The following OVCH2 variants were observed in gnomAD, a reference collection of about 807,000 sequenced individuals.
The protein encoded by OVCH2 is ovochymase 2.
A neutral mutation model predicts 73.7 loss-of-function variants in OVCH2; 88 were observed. The observed-to-expected ratio is 1.19, with a 90% confidence interval of 1.01 to 1.43. OVCH2 has a LOEUF of 1.43. OVCH2 is among the 40% of genes most tolerant of loss of function. The pLI is 0.00. For missense variants in OVCH2, 706 were observed against 674.5 expected, an observed-to-expected ratio of 1.05 and a Z score of -0.52; for synonymous variants, 265 against 234.5, an observed-to-expected ratio of 1.13 and a Z score of -1.19.
downstream of OVCH2, chr11:7,689,298 A>T (rs1456158823): frequency 5.2e-6 from 1 of 194,024 alleles, no homozygotes; most frequent in Non-Finnish European, 1.1e-5. Context: ...CATGCTGTGG[A>T]TTCCGGTGTT....
At chr11:7,703,664 T>C (rs773919728) in intron 3 of OVCH2, 34 bp downstream of exon 3, 6 of 1,493,506 alleles carry the variant, frequency 4.0e-6, no homozygotes, top group Non-Finnish European at 5.4e-6. Context: ...GAAATGGTGG[T>C]GTGGTCTTCA....
At chr11:7,700,129 C>T in intron 7 of OVCH2, 167 bp downstream of exon 7, 2 of 647,682 alleles carry the variant, frequency 3.1e-6, no homozygotes, top group South Asian at 2.3e-5. Flanking sequence ...CCATATTTTA[C>T]TCTTGTTTTA....
intron 3 of OVCH2, among the ~76,000 whole-genome samples, chr11:7,702,856 C>A (rs1203398037): frequency 6.6e-6 from 1 of 152,194 alleles, no homozygotes; most frequent in Admixed American, 6.5e-5. Flanking sequence ...GCTTGCCATC[C>A]TTTGAGACGC....
At chr11:7,682,716 G>A in the OVCH2 span, among the ~76,000 whole-genome samples, 1 of 152,116 alleles carries the variant, frequency 6.6e-6, no homozygotes, top group Non-Finnish European at 1.5e-5. Context: ...CTCTCCATTT[G>A]ATAATTCCTA....
At chr11:7,702,066 A>G (rs1856451281) in intron 4 of OVCH2, 91 bp downstream of exon 4, 1 of 1,206,434 alleles carries the variant, frequency 8.3e-7, no homozygotes, top group Non-Finnish European at 1.2e-6. Flanking sequence ...AAAGTGCATG[A>G]CCCAGAACGT....
the OVCH2 span, among the ~76,000 whole-genome samples, chr11:7,679,253 A>C: frequency 6.6e-6 from 1 of 152,186 alleles, no homozygotes; most frequent in Admixed American, 6.5e-5. Flanking sequence ...AAATCCTTGG[A>C]ATCTCCCAAG....
At chr11:7,693,663 T>C (rs1213495407) in intron 12 of OVCH2, among the ~76,000 whole-genome samples, 1 of 152,206 alleles carries the variant, frequency 6.6e-6, no homozygotes, top group Non-Finnish European at 1.5e-5. Flanking sequence ...TCTGCTGAAA[T>C]TTTTGCCCCA....
At chr11:7,694,567 T>C (rs1159960685) in intron 12 of OVCH2, among the ~76,000 whole-genome samples, 2 of 152,072 alleles carry the variant, frequency 1.3e-5, no homozygotes, top group African/African-American at 4.8e-5. Context: ...AAGGAAGACA[T>C]GCTTGTTTCT....
chr11:7,693,403 G>T (rs971756022), intron 12 of OVCH2, among the ~76,000 whole-genome samples: 1 of 152,164 alleles, frequency 6.6e-6, no homozygotes, highest in Non-Finnish European at 1.5e-5. Context: ...ATATTCCTAT[G>T]ACTTTTAACA....
At position 7,704,621 on chromosome 11, in the gene OVCH2, T is replaced by C; in HGVS notation, c.142A>G (p.Ile48Val). ...VKVQPWNYFNIFSRILGGSQV... is the reference protein window; with the variant it reads ...VKVQPWNYFNVFSRILGGSQV... Reference sequence around the variant, plus strand: ...CTTCCTCCAAGAATGCGACTGAAAATGTTAAAATAATTCCAAGGCTGTACC... The same window carrying C: ...CTTCCTCCAAGAATGCGACTGAAAACGTTAAAATAATTCCAAGGCTGTACC... The change falls in exon 2 of 16, where the codon ATT becomes GTT. Residue 48 changes from isoleucine to valine, a missense_variant. By Grantham distance (29) the Ile-to-Val change is conservative. Transcript: ENST00000533663. 1.2e-6 allele frequency: 2 copies of C among 1,612,784 alleles called. No individual in the cohort carries two copies. Among genetic ancestry groups the C allele is most frequent in the Non-Finnish European group, 1.7e-6 (2 of 1,179,444 alleles).
At chr11:7,690,678 A>T (rs1856203485) in intron 14 of OVCH2, among the ~76,000 whole-genome samples, 1 of 152,124 alleles carries the variant, frequency 6.6e-6, no homozygotes, top group Non-Finnish European at 1.5e-5. Flanking sequence ...TGTTAGACAC[A>T]CGTTTCCACA....
downstream of OVCH2, among the ~76,000 whole-genome samples, chr11:7,686,960 C>T (rs78649608): frequency 5.8e-4 from 88 of 152,112 alleles, 2 homozygotes; most frequent in East Asian, 0.011. Flanking sequence ...AATCGTTGCC[C>T]GCATCTGCTG....
chr11:7,700,622 G>A (rs1328672255), intron 6 of OVCH2, 137 bp from the exon 7 acceptor site: 4 of 966,212 alleles, frequency 4.1e-6, no homozygotes, highest in Admixed American at 5.6e-5. Context: ...AGGGTCCTGT[G>A]TATACAGATC....
chr11:7,696,364 T>C (rs1856332289), intron 10 of OVCH2, 101 bp downstream of exon 10: 3 of 1,476,916 alleles, frequency 2.0e-6, no homozygotes, highest in African/African-American at 1.4e-5. Context: ...AGTCAAGAAG[T>C]GTGGCATTTA....
intron 12 of OVCH2, among the ~76,000 whole-genome samples, chr11:7,693,500 G>A (rs535766181): frequency 5.3e-5 from 8 of 152,250 alleles, no homozygotes; most frequent in East Asian, 1.9e-4. Context: ...ACTGATGCAC[G>A]ACACTCAAAC....
At chr11:7,681,719 T>C in the OVCH2 span, among the ~76,000 whole-genome samples, 1 of 151,374 alleles carries the variant, frequency 6.6e-6, no homozygotes, top group Non-Finnish European at 1.5e-5. Flanking sequence ...GCTTGGGCTG[T>C]GGAGACAACC....
downstream of OVCH2, among the ~76,000 whole-genome samples, chr11:7,688,541 A>AC (rs1314459535): frequency 6.6e-6 from 1 of 151,960 alleles, no homozygotes; most frequent in Non-Finnish European, 1.5e-5. Flanking sequence ...GAACAAAGAG[A>AC]CCCCAACTGC....
chr11:7,696,904 G>T, intron 8 of OVCH2, 105 bp from the exon 9 acceptor site: 2 of 1,013,180 alleles, frequency 2.0e-6, no homozygotes, highest in South Asian at 1.5e-5. Flanking sequence ...TCTTCTTGAT[G>T]TACTCTTCGT....
intron 15 of OVCH2, 42 bp downstream of exon 15, chr11:7,689,882 A>G: frequency 1.7e-6 from 2 of 1,206,804 alleles, no homozygotes; most frequent in Non-Finnish European, 2.4e-6. Context: ...TGAACCCTGG[A>G]TTATACTCTG....
Sources: allele counts gnomAD v4.1 joint callset (sites outside exome capture counted in the v4.1 genomes callset), GRCh38; gene constraint gnomAD v4.1.1; transcripts MANE v1.5; gene names NCBI Gene and HGNC (gene_info 2026-07-23, HGNC 2026-07-21).